Variants in HIRA observed in about 807,000 individuals in gnomAD.
HIRA encodes the protein protein HIRA.
Under a neutral mutation model 126.6 loss-of-function variants are expected in HIRA, and 13 were observed. The ratio of observed to expected loss-of-function variants is 0.10; its 90% CI spans 0.07 to 0.16. HIRA has a LOEUF of 0.16. Among genes scored for constraint, HIRA ranks in the 10% least tolerant of loss-of-function variants. The pLI, the probability that HIRA is intolerant of heterozygous loss-of-function variation, is 1.00. For synonymous variants in HIRA, 511 were observed against 520.0 expected, an observed-to-expected ratio of 0.98 and a Z score of 0.24; for missense variants, 834 against 1,314.4, an observed-to-expected ratio of 0.63 and a Z score of 5.65.
intron 5 of HIRA, chr22:19,405,486 G>C: frequency 1.0e-6 from 1 of 985,328 alleles, no homozygotes; most frequent in Non-Finnish European, 1.2e-6. Flanking sequence ...CGCTGATGAA[G>C]GTACTGATTC....
chr22:19,385,415 C>T (rs562591639), intron 12 of HIRA, 106 bp downstream of exon 12: 17 of 1,106,474 alleles, frequency 1.5e-5, no homozygotes, highest in South Asian at 2.9e-5. Flanking sequence ...CCACAGATCC[C>T]GTACCACTCT....
At chr22:19,431,205 C>T (rs1165532822) in intron 1 of HIRA, among the ~76,000 whole-genome samples, 1 of 152,208 alleles carries the variant, frequency 6.6e-6, no homozygotes, top group Non-Finnish European at 1.5e-5. Context: ...GCGGAAGACT[C>T]AGAGCAAGAG....
chr22:19,372,443 T>G (rs1423430871), intron 15 of HIRA, among the ~76,000 whole-genome samples: 2 of 152,246 alleles, frequency 1.3e-5, no homozygotes, highest in Non-Finnish European at 2.9e-5. Context: ...TTTTTATTGT[T>G]GAATTGTAAA....
At chr22:19,382,065 T>G (rs2089078775) in intron 13 of HIRA, among the ~76,000 whole-genome samples, 1 of 152,242 alleles carries the variant, frequency 6.6e-6, no homozygotes, top group Non-Finnish European at 1.5e-5. Flanking sequence ...TATTTCTCAC[T>G]TATACCTACT....
At chr22:19,396,574 T>TA (rs1415385932) in intron 7 of HIRA, among the ~76,000 whole-genome samples, 2 of 152,200 alleles carry the variant, frequency 1.3e-5, no homozygotes, top group African/African-American at 4.8e-5. Flanking sequence ...AGTTGGAAAT[T>TA]AAACAGCGTC....
At chr22:19,334,554 A>C (rs971784251) in intron 24 of HIRA, among the ~76,000 whole-genome samples, 8 of 151,180 alleles carry the variant, frequency 5.3e-5, no homozygotes, top group Non-Finnish European at 1.0e-4. Flanking sequence ...TGGGAGGCTG[A>C]GGCGGCTGGA....
chr22:19,374,495 A>G (rs931384005), intron 15 of HIRA, among the ~76,000 whole-genome samples: 2 of 152,162 alleles, frequency 1.3e-5, no homozygotes, highest in Non-Finnish European at 2.9e-5. Context: ...TAGATTACAG[A>G]GCAGACTACA....
At chr22:19,368,021 C>T (rs983070745) in intron 15 of HIRA, among the ~76,000 whole-genome samples, 3 of 152,086 alleles carry the variant, frequency 2.0e-5, no homozygotes, top group East Asian at 3.9e-4. Context: ...TGACAGACTC[C>T]CTGGATCACA....
chr22:19,360,228 T>C (rs1601816720), intron 17 of HIRA, among the ~76,000 whole-genome samples: 1 of 151,870 alleles, frequency 6.6e-6, no homozygotes, highest in South Asian at 2.1e-4. Context: ...GACCCAGAAA[T>C]GACAGTCCCA....
intron 1 of HIRA, among the ~76,000 whole-genome samples, chr22:19,419,843 C>G (rs552085681): frequency 6.6e-6 from 1 of 152,268 alleles, no homozygotes; most frequent in South Asian, 2.1e-4. Flanking sequence ...ACTCAGATTT[C>G]GCCAACTGCC....
intron 3 of HIRA, 68 bp downstream of exon 3, chr22:19,408,415 C>T: frequency 2.0e-6 from 2 of 1,016,184 alleles, no homozygotes; most frequent in Non-Finnish European, 1.6e-6. Flanking sequence ...TTTCTAATTA[C>T]AAACACATGT....
At chr22:19,420,369 G>A (rs973205161) in intron 1 of HIRA, among the ~76,000 whole-genome samples, 2 of 151,178 alleles carry the variant, frequency 1.3e-5, no homozygotes, top group Admixed American at 6.6e-5. Flanking sequence ...AGGAGGCTGA[G>A]GTGGGAGGAT....
At chr22:19,382,143 C>T (rs1383376202) in intron 13 of HIRA, among the ~76,000 whole-genome samples, 2 of 152,146 alleles carry the variant, frequency 1.3e-5, no homozygotes, top group East Asian at 1.9e-4. Context: ...CCTGTTGCTA[C>T]GTGTTAGAAC....
intron 7 of HIRA, 111 bp downstream of exon 7, chr22:19,396,674 CTG>C (rs2089227079): frequency 2.8e-6 from 3 of 1,079,884 alleles, no homozygotes; most frequent in Non-Finnish European, 4.1e-6. Context: ...CCCCCGGACT[CTG>C]TGCATTCCCC....
intron 24 of HIRA, among the ~76,000 whole-genome samples, chr22:19,335,511 C>T (rs2088557153): frequency 6.6e-6 from 1 of 152,238 alleles, no homozygotes; most frequent in Admixed American, 6.5e-5. Flanking sequence ...TCCCAAAGTG[C>T]TGGGATTACA....
Position 19,375,714 on chromosome 22 carries a change from C to G in HIRA, c.1692G>C (p.Ala564=), listed in dbSNP as rs150078394. 3 of 1,614,010 alleles carry G rather than the reference C, an allele frequency of 1.9e-6. No individual in the cohort carries two copies. The African/African-American group carries it at 4.0e-5, about 22-fold the overall frequency. Reference sequence around the variant, plus strand: ...ACCGCTCTGTGAACCGGGAGTCAAACGCTTTCATGGGTTCGATCTTGGACG... The same window carrying G: ...ACCGCTCTGTGAACCGGGAGTCAAAGGCTTTCATGGGTTCGATCTTGGACG... ...TTPSKIEPMK[A]FDSRFTERSK... is the part of the protein sequence containing the mutation. The change falls in exon 15 of 25, where the codon GCG becomes GCC. Residue 564 remains alanine (A), a synonymous_variant. Coordinates refer to ENST00000263208, the MANE Select transcript of HIRA (RefSeq NM_003325.4).
At chr22:19,347,409 T>C (rs1157267851) in intron 24 of HIRA, among the ~76,000 whole-genome samples, 3 of 152,196 alleles carry the variant, frequency 2.0e-5, no homozygotes, top group Non-Finnish European at 4.4e-5. Flanking sequence ...GCAGCTGATA[T>C]CTGAGAAGAT....
At chr22:19,421,299 CAAAA>C (rs35575540) in intron 1 of HIRA, among the ~76,000 whole-genome samples, 4 of 130,246 alleles carry the variant, frequency 3.1e-5, no homozygotes, top group Non-Finnish European at 3.3e-5. Context: ...AACTCCGTCT[CAAAA>C]AAAAAAAAAA....
At chr22:19,391,999 T>C (rs1940271038) in intron 9 of HIRA, 102 bp downstream of exon 9, 3 of 584,444 alleles carry the variant, frequency 5.1e-6, no homozygotes, top group Non-Finnish European at 9.1e-6. Flanking sequence ...AGAATAGAAA[T>C]ACACTCTTAG....
Sources: gnomAD v4.1 joint callset for allele counts (sites outside exome capture counted in the v4.1 genomes callset) on GRCh38, gnomAD v4.1.1 for gene constraint, MANE v1.5 for transcripts, NCBI Gene and HGNC (gene_info 2026-07-23, HGNC 2026-07-21) for gene names.